Variants in SAXO1 observed in about 807,000 individuals in gnomAD.
SAXO1 encodes 4930500O09Rik.
In SAXO1, 21 loss-of-function variants were observed where a neutral mutation model predicts 17.5. The observed-to-expected ratio is 1.20, with a 90% confidence interval of 0.85 to 1.72. The LOEUF is 1.72. SAXO1 is among the 40% of genes most tolerant of loss of function. The probability of loss-of-function intolerance (pLI) is 0.00; values close to 1 mark genes in which losing one functional copy is unlikely to be tolerated. For missense variants in SAXO1, 843 were observed against 596.0 expected (o/e 1.41, Z -4.32); for synonymous variants, 274 against 216.5 (o/e 1.27, Z -2.33).
chr9:19,030,672 C>A (rs540393043), intron 1 of SAXO1, among the ~76,000 whole-genome samples: 5 of 150,506 alleles, frequency 3.3e-5, no homozygotes, highest in African/African-American at 9.8e-5. Flanking sequence ...CGCCACTGCA[C>A]GACAGAGTAA....
intron 1 of SAXO1, among the ~76,000 whole-genome samples, chr9:19,023,866 C>G (rs1016796031): frequency 6.6e-6 from 1 of 151,858 alleles, no homozygotes; most frequent in Non-Finnish European, 1.5e-5. Context: ...CAAAGGGGGC[C>G]AGGCACAGTA....
intron 1 of SAXO1, among the ~76,000 whole-genome samples, chr9:18,987,135 AG>A (rs1833624359): frequency 6.6e-6 from 1 of 152,220 alleles, no homozygotes; most frequent in African/African-American, 2.4e-5. Flanking sequence ...TGTCAGGCAC[AG>A]TCCTCTCAGG....
intron 1 of SAXO1, among the ~76,000 whole-genome samples, chr9:19,016,798 CTTTT>C (rs34423268): frequency 4.5e-5 from 5 of 111,308 alleles, no homozygotes; most frequent in African/African-American, 6.8e-5. Flanking sequence ...TAACATCTGA[CTTTT>C]TTTTTTTTTT....
In SAXO1 at chr9:18,938,828, G is replaced by GTGTGTATGTGTGTA. The variant is rs1554667857; in HGVS notation, c.421+2808_421+2809insTACACACATACACA. Among the ~76,000 whole-genome samples, 398 of 114,118 alleles carry GTGTGTATGTGTGTA rather than the reference G, an allele frequency of 3.5e-3. 4 individuals carry two copies. In the South Asian group the frequency reaches 0.041, roughly 12 times the overall value. The allele number at this position is 114,118 out of a possible 152,430, so 74.9% of individuals were successfully genotyped here. ...GGGGTGCATGCGTGCGTGCGTGTGT[G>GTGTGTATGTGTGTA]TGTGTGTGTGTGTGTGTGTGTGTGT... is the stretch of plus-strand genomic sequence containing the variant. On this transcript the variant is annotated intron_variant, in intron 3 of 3. Coordinates refer to ENST00000380534, the MANE Select transcript of SAXO1 (RefSeq NM_153707.4).
At chr9:18,978,250 G>A (rs551486961) in intron 1 of SAXO1, among the ~76,000 whole-genome samples, 3 of 151,922 alleles carry the variant, frequency 2.0e-5, no homozygotes, top group Non-Finnish European at 2.9e-5. Context: ...TTTCAAGGCC[G>A]CATTTTGAAG....
intron 1 of SAXO1, among the ~76,000 whole-genome samples, chr9:18,969,671 A>G (rs973723142): frequency 2.0e-5 from 3 of 152,194 alleles, no homozygotes; most frequent in African/African-American, 7.2e-5. Context: ...TAAACAGCTA[A>G]GCACAATGCC....
At chr9:18,990,283 G>T (rs1256048009) in intron 1 of SAXO1, among the ~76,000 whole-genome samples, 1 of 151,472 alleles carries the variant, frequency 6.6e-6, no homozygotes. Flanking sequence ...TATAACAAAC[G>T]CTCCCAGTTA....
chr9:18,990,607 C>T (rs1262236768), intron 1 of SAXO1, among the ~76,000 whole-genome samples: 1 of 152,136 alleles, frequency 6.6e-6, no homozygotes, highest in Non-Finnish European at 1.5e-5. Flanking sequence ...TGGACCAGTA[C>T]CGATCCGTAG....
chr9:18,982,594 C>G (rs1031919617), intron 1 of SAXO1, among the ~76,000 whole-genome samples: 1 of 152,200 alleles, frequency 6.6e-6, no homozygotes, highest in African/African-American at 2.4e-5. Flanking sequence ...CTTCTGGTGA[C>G]TTTGTATATA....
rs57781933 is a variant in SAXO1 at position 18,996,896 on chromosome 9, T to C, written c.38+35975A>G. ...AGGCATCCAATTGGAAAGGAAGAGGTAAAATTATCTCAGTTCACAAATGAC... is the reference window on the plus strand; with the variant it reads ...AGGCATCCAATTGGAAAGGAAGAGGCAAAATTATCTCAGTTCACAAATGAC... On this transcript the variant is annotated intron_variant, in intron 1 of 3. Transcript: ENST00000380534. 6.7e-3 allele frequency among the ~76,000 whole-genome samples: 1,018 copies of C among 151,352 alleles called. 7 individuals carry two copies. The highest frequency in any genetic ancestry group is 0.023 in the African/African-American group (955 of 41,212).
intron 1 of SAXO1, among the ~76,000 whole-genome samples, chr9:19,023,464 C>T (rs1302088355): frequency 2.0e-5 from 3 of 152,062 alleles, no homozygotes; most frequent in Non-Finnish European, 4.4e-5. Context: ...GATGAGAACG[C>T]TGAGGTACAC....
rs1274961459 is a variant in SAXO1, at chr9:18,928,880, G to A, written c.597C>T (p.Ile199=). The A allele has an allele frequency of 1.9e-6, 3 of 1,614,162 alleles. No individual in the cohort carries two copies. Among genetic ancestry groups the A allele is most frequent in the South Asian group, 2.2e-5 (2 of 91,076 alleles). The part of the protein sequence containing the change: ...KPLAMPKLCN[I]PLEDVTNYKM... Reference sequence around the variant, plus strand: ...TGTAGTTAGTCACATCCTCCAAGGGGATGTTACAGAGCTTTGGCATGGCCA... The same window carrying A: ...TGTAGTTAGTCACATCCTCCAAGGGAATGTTACAGAGCTTTGGCATGGCCA... Residue 199 remains isoleucine (I), a synonymous_variant, in exon 4 of 4, where the codon ATC becomes ATT. Coordinates refer to ENST00000380534, the MANE Select transcript of SAXO1 (RefSeq NM_153707.4).
At chr9:18,975,720 T>C (rs115213582) in intron 1 of SAXO1, among the ~76,000 whole-genome samples, 255 of 152,332 alleles carry the variant, frequency 1.7e-3, no homozygotes, top group African/African-American at 5.8e-3. Flanking sequence ...TCAGATTTGG[T>C]TCAAACCCCA....
intron 1 of SAXO1, among the ~76,000 whole-genome samples, chr9:18,977,124 G>A (rs1040710213): frequency 6.6e-6 from 1 of 152,222 alleles, no homozygotes; most frequent in Non-Finnish European, 1.5e-5. Context: ...CGCTGTGGTT[G>A]CCTTCTCTTA....
Position 18,950,924 on chromosome 9 carries a change from G to T in SAXO1, c.52C>A (p.Pro18Thr). 3 of 1,612,190 alleles carry T rather than the reference G, an allele frequency of 1.9e-6. No homozygotes were observed. The highest frequency in any genetic ancestry group is 2.5e-6 in the Non-Finnish European group (3 of 1,179,442). ...TCATAAATCTTGGTAGGGAGATGTGGACAGTGATGCCGCCTATAAAAGACA... is the reference window on the plus strand; with the variant it reads ...TCATAAATCTTGGTAGGGAGATGTGTACAGTGATGCCGCCTATAAAAGACA... ...ELCSCGRHHC[P>T]HLPTKIYDKT... The change falls in exon 2 of 4, where the codon CCA becomes ACA. Residue 18 changes from proline (P) to threonine (T), a missense_variant. Pro to Thr is a conservative substitution (Grantham distance 38). Transcript: ENST00000380534.
intron 2 of SAXO1, among the ~76,000 whole-genome samples, chr9:18,942,847 A>C (rs1167716528): frequency 6.6e-6 from 1 of 152,210 alleles, no homozygotes; most frequent in Admixed American, 6.5e-5. Context: ...TTCCCTCTGA[A>C]GGGTGTCTGT....
At chr9:19,027,029 C>G in intron 1 of SAXO1, 1 of 836,298 alleles carries the variant, frequency 1.2e-6, no homozygotes, top group South Asian at 1.3e-5. Flanking sequence ...TGTTGAGAGT[C>G]ACCCATGAGC....
Position 18,929,325 on chromosome 9 carries a change from G to C in SAXO1, c.422-270C>G, listed in dbSNP as rs183402066. Among the ~76,000 whole-genome samples, 9 of 152,322 alleles carry C rather than the reference G, an allele frequency of 5.9e-5. No individual in the cohort carries two copies. The East Asian group carries it at 1.7e-3, about 29-fold the overall frequency. On this transcript the variant is annotated intron_variant, in intron 3 of 3. Transcript: ENST00000380534. Reference sequence around the variant, plus strand: ...TCTTAGAGGGTCCATGGTCGTGAGAGGATCCAGGGAATCCATTCCTGCAGA... The same window carrying C: ...TCTTAGAGGGTCCATGGTCGTGAGACGATCCAGGGAATCCATTCCTGCAGA...
At chr9:19,004,804 C>G (rs958901593) in intron 1 of SAXO1, among the ~76,000 whole-genome samples, 2 of 152,126 alleles carry the variant, frequency 1.3e-5, no homozygotes, top group African/African-American at 4.8e-5. Flanking sequence ...CAACATGGCA[C>G]ATGTGTATCT....
Sources: allele counts gnomAD v4.1 joint callset (sites outside exome capture counted in the v4.1 genomes callset), GRCh38; gene constraint gnomAD v4.1.1; transcripts MANE v1.5; gene names NCBI Gene and HGNC (gene_info 2026-07-23, HGNC 2026-07-21).